Variants in BCORL1 observed in about 807,000 individuals in gnomAD.
BCORL1 encodes the protein BCL-6 corepressor-like protein 1.
In BCORL1, 7 loss-of-function variants were observed where a neutral mutation model predicts 87.6. The ratio of observed to expected loss-of-function variants is 0.08; its 90% CI spans 0.05 to 0.15. The LOEUF (loss-of-function observed/expected upper bound fraction) is 0.15. Among genes scored for constraint, BCORL1 ranks in the 10% least tolerant of loss-of-function variants. The pLI, the probability that BCORL1 is intolerant of heterozygous loss-of-function variation, is 1.00. For missense variants in BCORL1, 1,215 were observed against 1,499.7 expected (o/e 0.81, Z 3.13); for synonymous variants, 591 against 634.4 (o/e 0.93, Z 1.03).
Position 130,015,680 on chromosome X carries a change from G to A in BCORL1, c.2908G>A (p.Gly970Arg), listed in dbSNP as rs765404749. 1.7e-6 allele frequency: 2 copies of A among 1,211,904 alleles called. No homozygotes were observed. Among genetic ancestry groups the A allele is most frequent in the East Asian group, 3.0e-5 (1 of 33,847 alleles). Reference sequence around the variant, plus strand: ...CACTCCTAAGATGGAAGGCCCCCAGGGGGCTTGTGGCCTGAAGCTGGCAGG... The same window carrying A: ...CACTCCTAAGATGGAAGGCCCCCAGAGGGCTTGTGGCCTGAAGCTGGCAGG... ...DSTPKMEGPQ[G>R]ACGLKLAGDT... Residue 970 changes from glycine to arginine, a missense_variant, in exon 4 of 14, where the codon GGG (glycine) becomes AGG (arginine). Around this residue, in one of 5 missense-constraint regions of BCORL1, gnomAD observed 861 missense variants for 1,010.0 expected, o/e 0.85. Transcript: ENST00000540052.
intron 11 of BCORL1, among the ~76,000 whole-genome samples, chrX:130,048,046 A>T (rs1603176495): frequency 8.9e-6 from 1 of 111,918 alleles, no homozygotes; most frequent in African/African-American, 3.2e-5. Context: ...CAGAAGATCT[A>T]ATGTGCATGA....
intron 9 of BCORL1, 105 bp downstream of exon 9, chrX:130,034,781 T>A: frequency 3.6e-6 from 2 of 551,025 alleles, no homozygotes; most frequent in Non-Finnish European, 2.6e-6. Context: ...CTGGCCTCCC[T>A]CTACACCCCA....
intron 1 of BCORL1, among the ~76,000 whole-genome samples, chrX:129,983,100 T>C (rs993840775): frequency 4.5e-5 from 5 of 110,304 alleles, no homozygotes; most frequent in Non-Finnish European, 9.5e-5. Flanking sequence ...TCTTCGCCCC[T>C]CCCTTCGGGA....
At chrX:130,023,590 G>A (rs1171651784) in intron 6 of BCORL1, among the ~76,000 whole-genome samples, 1 of 112,109 alleles carries the variant, frequency 8.9e-6, no homozygotes, top group Non-Finnish European at 1.9e-5. Flanking sequence ...GGGGAAGCAA[G>A]GTATAGTGTA....
intron 11 of BCORL1, among the ~76,000 whole-genome samples, chrX:130,043,788 T>A (rs867600281): frequency 9.0e-3 from 215 of 23,839 alleles, no homozygotes; most frequent in Middle Eastern, 0.029. Flanking sequence ...ATATATATTT[T>A]TTTTTTTTTT....
Position 130,013,240 on chromosome X carries a change from C to T in BCORL1, c.468C>T (p.Pro156=), listed in dbSNP as rs372581512. The T allele has an allele frequency of 2.7e-5, 33 of 1,210,333 alleles. No homozygotes were observed. The highest frequency in any genetic ancestry group is 1.7e-4 in the Admixed American group (8 of 45,834). Residue 156 remains proline (P), a synonymous_variant, in exon 4 of 14, where the codon CCC becomes CCT. Coordinates refer to ENST00000540052, the MANE Select transcript of BCORL1 (RefSeq NM_001379451.1). Reference sequence around the variant, plus strand: ...TGAGCAAACAGGTTGACTGCTCACCCGCCGGAGTAAAGGCTTTGGACTCTC... The same window carrying T: ...TGAGCAAACAGGTTGACTGCTCACCTGCCGGAGTAAAGGCTTTGGACTCTC... ...TQMSKQVDCS[P]AGVKALDSRQ...
At chrX:130,002,028 G>A (rs1381078294) in intron 1 of BCORL1, among the ~76,000 whole-genome samples, 3 of 110,570 alleles carry the variant, frequency 2.7e-5, no homozygotes, top group Non-Finnish European at 3.8e-5. Flanking sequence ...GGCTGGAGAT[G>A]GCATTATTAA....
chrX:130,006,288 T>C (rs1456997964), intron 2 of BCORL1, among the ~76,000 whole-genome samples: 1 of 111,514 alleles, frequency 9.0e-6, no homozygotes, highest in Non-Finnish European at 1.9e-5. Flanking sequence ...AAAATGGCCT[T>C]CAGAATTTAT....
chrX:130,025,312 C>T lies in BCORL1; in HGVS notation c.4011C>T (p.Ser1337=), dbSNP rs138530347. The T allele has an allele frequency of 3.4e-3, 4,036 of 1,191,020 alleles. 7 individuals are homozygous for T. The highest frequency in any genetic ancestry group is 4.1e-3 in the Non-Finnish European group (3,655 of 886,776). Residue 1337 remains serine (S), a synonymous_variant, in exon 7 of 14, where the codon AGC becomes AGT. Coordinates refer to ENST00000540052, the MANE Select transcript of BCORL1 (RefSeq NM_001379451.1). The part of the protein sequence containing the change: ...LKRKKRRRQK[S]RKYQTGEYLT... The stretch of plus-strand genomic sequence containing the variant: ...GGAAGAAACGAAGACGGCAGAAGAG[C>T]CGAAAATATCAGACTGGGGAGTACC...
At chrX:129,999,681 T>C (rs961992804) in intron 1 of BCORL1, among the ~76,000 whole-genome samples, 2 of 87,075 alleles carry the variant, frequency 2.3e-5, no homozygotes, top group African/African-American at 1.5e-4. Context: ...CTCTAATTCT[T>C]TTTCCCCCCC....
intron 4 of BCORL1, among the ~76,000 whole-genome samples, chrX:130,017,471 G>A (rs1378222543): frequency 1.8e-5 from 2 of 110,791 alleles, no homozygotes; most frequent in Non-Finnish European, 3.8e-5. Context: ...AACCATATGA[G>A]GTGAATGCTA....
At position 130,015,372 on chromosome X, in the gene BCORL1, C is replaced by T. The variant is rs1359885552; in HGVS notation, c.2600C>T (p.Ser867Leu). 4.1e-6 allele frequency: 5 copies of T among 1,212,079 alleles called. No individual in the cohort carries two copies. Among genetic ancestry groups the T allele is most frequent in the East Asian group, 3.0e-5 (1 of 33,857 alleles). Residue 867 changes from serine (S) to leucine (L), a missense_variant, in exon 4 of 14, where the codon TCG becomes TTG. Ser to Leu is a moderately radical substitution (Grantham distance 145). Coordinates refer to ENST00000540052, the MANE Select transcript of BCORL1 (RefSeq NM_001379451.1). The stretch of plus-strand genomic sequence containing the variant: ...CCCATCAGGCCCACCAGCGTTGTTT[C>T]GGAGTTTTCTGGTGTGCCATCTCTC... ...GAPIRPTSVV[S>L]EFSGVPSLSS...
chrX:130,015,674 C>T lies in BCORL1; in HGVS notation c.2902C>T (p.Pro968Ser), dbSNP rs759886278. The T allele has an allele frequency of 2.5e-5, 30 of 1,210,083 alleles. No individual in the cohort carries two copies. The highest frequency in any genetic ancestry group is 3.2e-5 in the Non-Finnish European group (29 of 895,229). The change falls in exon 4 of 14, where the codon CCC (proline) becomes TCC (serine). Residue 968 changes from proline (P) to serine (S), a missense_variant. Transcript: ENST00000540052. ...TGACAGCACTCCTAAGATGGAAGGCCCCCAGGGGGCTTGTGGCCTGAAGCT... is the reference window on the plus strand; with the variant it reads ...TGACAGCACTCCTAAGATGGAAGGCTCCCAGGGGGCTTGTGGCCTGAAGCT... Reference protein sequence around the residue: ...CSDSTPKMEGPQGACGLKLAG... With the variant: ...CSDSTPKMEGSQGACGLKLAG...
intron 1 of BCORL1, among the ~76,000 whole-genome samples, chrX:129,996,482 A>C (rs1363136281): frequency 9.0e-6 from 1 of 111,354 alleles, no homozygotes; most frequent in Non-Finnish European, 1.9e-5. Context: ...ATAAATGGGT[A>C]GGTTTCATGC....
chrX:130,045,786 T>G (rs996364310), intron 11 of BCORL1, among the ~76,000 whole-genome samples: 1 of 109,235 alleles, frequency 9.2e-6, no homozygotes, highest in East Asian at 2.9e-4. Context: ...CCAAAATAAT[T>G]ATTGCATTTT....
intron 2 of BCORL1, among the ~76,000 whole-genome samples, chrX:130,011,969 C>G (rs1929011607): frequency 1.8e-5 from 2 of 111,423 alleles, no homozygotes; most frequent in African/African-American, 6.5e-5. Context: ...ACCCAGTGAC[C>G]TGGTGGCCTC....
chrX:130,038,480 C>G (rs756634875), intron 10 of BCORL1, among the ~76,000 whole-genome samples: 1 of 103,918 alleles, frequency 9.6e-6, no homozygotes, highest in African/African-American at 4.0e-5. Flanking sequence ...TACAGTTGCC[C>G]CCACCTTTTT....
chrX:130,015,701 G>A lies in BCORL1; in HGVS notation c.2929G>A (p.Ala977Thr), dbSNP rs201754851. The change falls in exon 4 of 14, where the codon GCA (alanine) becomes ACA (threonine). Residue 977 changes from alanine to threonine, a missense_variant. By Grantham distance (58) the Ala-to-Thr change is moderately conservative. This residue lies in a region of BCORL1 where 861 missense variants were observed against 1,010.0 expected (regional missense o/e 0.85). Coordinates refer to ENST00000540052, the MANE Select transcript of BCORL1 (RefSeq NM_001379451.1). ...GPQGACGLKL[A>T]GDTKPKNQVL... ...CCAGGGGGCTTGTGGCCTGAAGCTG[G>A]CAGGAGACACGAAGCCTAAGAACCA... 4.6e-5 allele frequency: 56 copies of A among 1,210,331 alleles called. No homozygotes were observed. Among genetic ancestry groups the A allele is most frequent in the Non-Finnish European group, 6.0e-5 (54 of 895,284 alleles).
At chrX:130,022,058 A>AT (rs1240897617) in intron 5 of BCORL1, among the ~76,000 whole-genome samples, 4 of 110,268 alleles carry the variant, frequency 3.6e-5, no homozygotes, top group South Asian at 3.8e-4. Context: ...AAGTGTTGGG[A>AT]TTACAGGCGT....
Sources: allele counts gnomAD v4.1 joint callset (sites outside exome capture counted in the v4.1 genomes callset), GRCh38; gene constraint gnomAD v4.1.1; regional missense constraint gnomAD v4.1.1; transcripts MANE v1.5; gene names NCBI Gene and HGNC (gene_info 2026-07-23, HGNC 2026-07-21).